The following RALYL variants were observed in gnomAD, a reference collection of about 807,000 sequenced individuals.
The protein encoded by RALYL is RALY RNA binding protein like.
A neutral mutation model predicts 35.1 loss-of-function variants in RALYL; 29 were observed. The observed-to-expected ratio is 0.83, with a 90% CI of 0.61 to 1.13. The LOEUF (loss-of-function observed/expected upper bound fraction) is 1.13. RALYL is among the 50% of genes most tolerant of loss of function. The pLI, the probability that RALYL is intolerant of heterozygous loss-of-function variation, is 0.00. For synonymous variants in RALYL, 120 were observed against 127.6 expected, an observed-to-expected ratio of 0.94 and a Z score of 0.40; for missense variants, 359 against 360.4, an observed-to-expected ratio of 1.00 and a Z score of 0.03.
intron 1 of RALYL, among the ~76,000 whole-genome samples, chr8:84,198,627 A>G (rs1586105625): frequency 6.6e-6 from 1 of 152,060 alleles, no homozygotes; most frequent in Non-Finnish European, 1.5e-5. Flanking sequence ...CATTTTTTGT[A>G]CCTATTAATC....
intron 1 of RALYL, among the ~76,000 whole-genome samples, chr8:84,194,915 CTTGAATGTGGACTACTGTATT>C (rs1334979899): frequency 6.6e-6 from 1 of 152,006 alleles, no homozygotes; most frequent in African/African-American, 2.4e-5. Flanking sequence ...GGCTTCACAA[CTTGAATGTGGACTACTGTATT>C]TTGTTCAACA....
chr8:84,229,111 C>T (rs1461324923), intron 1 of RALYL, among the ~76,000 whole-genome samples: 1 of 152,164 alleles, frequency 6.6e-6, no homozygotes, highest in South Asian at 2.1e-4. Context: ...TTCATTCATA[C>T]GTGCATACAT....
chr8:84,460,803 T>A (rs1587470002), intron 1 of RALYL, among the ~76,000 whole-genome samples: 1 of 151,576 alleles, frequency 6.6e-6, no homozygotes, highest in African/African-American at 2.4e-5. Flanking sequence ...GGGTAATTTT[T>A]AAAAATCAAA....
intron 2 of RALYL, among the ~76,000 whole-genome samples, chr8:84,736,151 A>C (rs1847274279): frequency 6.6e-6 from 1 of 152,188 alleles, no homozygotes; most frequent in African/African-American, 2.4e-5. Flanking sequence ...ATTATATCTA[A>C]GTTTCTTCCC....
At chr8:84,384,754 G>A (rs963210720) in intron 1 of RALYL, among the ~76,000 whole-genome samples, 4 of 151,824 alleles carry the variant, frequency 2.6e-5, no homozygotes, top group Middle Eastern at 3.4e-3. Context: ...ACACCAGTCC[G>A]TCCTAGGTAC....
chr8:84,565,383 G>A (rs1025108328), intron 2 of RALYL, among the ~76,000 whole-genome samples: 12 of 151,414 alleles, frequency 7.9e-5, no homozygotes, highest in Admixed American at 3.3e-4. Flanking sequence ...GTAGCATCTA[G>A]CATCTCAACA....
intron 2 of RALYL, among the ~76,000 whole-genome samples, chr8:84,695,005 C>G (rs1049889751): frequency 6.6e-6 from 1 of 151,654 alleles, no homozygotes; most frequent in African/African-American, 2.4e-5. Context: ...GATGAGGGAA[C>G]TCTGGTATGA....
intron 2 of RALYL, among the ~76,000 whole-genome samples, chr8:84,557,399 T>TGGAAA (rs1260403824): frequency 1.3e-5 from 2 of 152,026 alleles, no homozygotes; most frequent in African/African-American, 2.4e-5. Flanking sequence ...AGTTACTGGG[T>TGGAAA]GGAAAGGAAA....
At position 84,643,872 on chromosome 8, in the gene RALYL, C is replaced by T. The variant is rs190691578; in HGVS notation, c.256+114295C>T. Among the ~76,000 whole-genome samples the T allele has an allele frequency of 6.1e-4, 93 of 151,990 alleles. 2 individuals carry two copies. Among genetic ancestry groups the T allele is most frequent in the African/African-American group, 2.1e-3 (86 of 41,486 alleles). On this transcript the variant is annotated intron_variant, in intron 2 of 8. Transcript: ENST00000521268. ...GAGTACGAGGTCTGTATATCTTGTC[C>T]CAGTGGCTGTTTCTAGCCATGATCC... is the stretch of plus-strand genomic sequence containing the variant.
intron 1 of RALYL, among the ~76,000 whole-genome samples, chr8:84,229,778 A>G (rs1348013634): frequency 6.6e-6 from 1 of 152,218 alleles, no homozygotes; most frequent in Non-Finnish European, 1.5e-5. Flanking sequence ...CATTTTACAT[A>G]TGAAAATATA....
chr8:84,853,983 A>T (rs1156812427), intron 5 of RALYL, among the ~76,000 whole-genome samples: 1 of 152,202 alleles, frequency 6.6e-6, no homozygotes, highest in African/African-American at 2.4e-5. Context: ...TAACATAATG[A>T]TCAGCATTAT....
At chr8:84,197,454 T>A (rs998327303) in intron 1 of RALYL, among the ~76,000 whole-genome samples, 3 of 152,196 alleles carry the variant, frequency 2.0e-5, no homozygotes, top group South Asian at 4.1e-4. Flanking sequence ...CATTTTTACA[T>A]CCTATTTACA....
chr8:84,784,909 G>A (rs1819028052), intron 3 of RALYL, among the ~76,000 whole-genome samples: 1 of 152,086 alleles, frequency 6.6e-6, no homozygotes, highest in Non-Finnish European at 1.5e-5. Flanking sequence ...TTTCTTTCTA[G>A]TGGAATTATA....
At chr8:84,392,004 C>T (rs1020774047) in intron 1 of RALYL, among the ~76,000 whole-genome samples, 3 of 151,950 alleles carry the variant, frequency 2.0e-5, no homozygotes, top group Admixed American at 2.0e-4. Context: ...AAAGAAATAC[C>T]AGGCTTTGAA....
intron 1 of RALYL, among the ~76,000 whole-genome samples, chr8:84,367,346 T>A (rs1287741603): frequency 1.5e-4 from 16 of 110,158 alleles, no homozygotes; most frequent in Non-Finnish European, 1.7e-4. Context: ...TTTTTTTTTT[T>A]TTTTTTTTTT....
At position 84,915,284 on chromosome 8, in the gene RALYL, T is replaced by A. The variant is rs1848287369; in HGVS notation, c.859-5610T>A. ...ATTAAGGGAGCCTTAGCTAGGTAAC[T>A]CAGCTGTCTTTAATGTTGTTTCTAA... On this transcript the variant is annotated intron_variant, in intron 8 of 8. Transcript: ENST00000521268. Among the ~76,000 whole-genome samples the A allele has an allele frequency of 2.0e-5, 3 of 151,912 alleles. No homozygotes were observed. The South Asian group carries it at 6.2e-4, about 31-fold the overall frequency.
At chr8:84,318,665 C>G (rs999896176) in intron 1 of RALYL, among the ~76,000 whole-genome samples, 8 of 152,150 alleles carry the variant, frequency 5.3e-5, no homozygotes, top group South Asian at 4.1e-4. Context: ...TAAAACCTTA[C>G]TGCCTAGTAC....
At chr8:84,329,258 G>A (rs1052644577) in intron 1 of RALYL, among the ~76,000 whole-genome samples, 3 of 152,010 alleles carry the variant, frequency 2.0e-5, no homozygotes, top group South Asian at 2.1e-4. Context: ...CCACAGCCTC[G>A]CCAGCATCTG....
At chr8:84,776,252 G>A (rs1345820541) in intron 3 of RALYL, among the ~76,000 whole-genome samples, 1 of 152,062 alleles carries the variant, frequency 6.6e-6, no homozygotes, top group Non-Finnish European at 1.5e-5. Flanking sequence ...TAAGATGAGG[G>A]TCAGAACTAG....
Sources: gnomAD v4.1 joint callset for allele counts (sites outside exome capture counted in the v4.1 genomes callset) on GRCh38, gnomAD v4.1.1 for gene constraint, MANE v1.5 for transcripts, NCBI Gene and HGNC (gene_info 2026-07-23, HGNC 2026-07-21) for gene names.